Variants in KIAA1217 observed in about 807,000 individuals in gnomAD.
KIAA1217 encodes KIAA1217.
A neutral mutation model predicts 163.9 loss-of-function variants in KIAA1217; 88 were observed. The ratio of observed to expected loss-of-function variants is 0.54; its 90% CI spans 0.45 to 0.64. The LOEUF (loss-of-function observed/expected upper bound fraction) is 0.64. KIAA1217 is among the 30% of genes least tolerant of loss of function. The pLI is 0.00. For synonymous variants in KIAA1217, 903 were observed against 923.1 expected (o/e 0.98, Z 0.39); for missense variants, 2,372 against 2,475.0 (o/e 0.96, Z 0.88).
chr10:24,240,188 A>G (rs1304152088), intron 2 of KIAA1217, among the ~76,000 whole-genome samples: 1 of 152,122 alleles, frequency 6.6e-6, no homozygotes, highest in African/African-American at 2.4e-5. Flanking sequence ...AGTTAGCTGA[A>G]AGGGGTTAGT....
intron 2 of KIAA1217, among the ~76,000 whole-genome samples, chr10:24,343,500 A>T (rs1397894461): frequency 1.1e-4 from 17 of 152,220 alleles, no homozygotes; most frequent in Admixed American, 8.5e-4. Context: ...TTCATAAATT[A>T]AGGAATTAAC....
chr10:23,917,724 G>A (rs780089953), intron 1 of KIAA1217, among the ~76,000 whole-genome samples: 4 of 152,168 alleles, frequency 2.6e-5, no homozygotes, highest in Non-Finnish European at 4.4e-5. Flanking sequence ...GACAGCTGTC[G>A]CTGACAAATG....
intron 2 of KIAA1217, among the ~76,000 whole-genome samples, chr10:24,194,249 C>A (rs989041618): frequency 1.3e-5 from 2 of 150,300 alleles, no homozygotes; most frequent in Non-Finnish European, 3.0e-5. Flanking sequence ...ACCTATGAAA[C>A]CTTTCCCACC....
intron 1 of KIAA1217, among the ~76,000 whole-genome samples, chr10:23,880,864 C>T (rs1417657604): frequency 6.6e-6 from 1 of 152,014 alleles, no homozygotes; most frequent in Non-Finnish European, 1.5e-5. Context: ...AGACCAGCAG[C>T]TGTATGTGTG....
chr10:23,888,910 C>T (rs746246213), intron 1 of KIAA1217, among the ~76,000 whole-genome samples: 20 of 151,818 alleles, frequency 1.3e-4, no homozygotes, highest in Admixed American at 1.3e-4. Context: ...GATTAGTTTT[C>T]CCTCTTTTAG....
At chr10:24,113,802 T>A (rs1041267644) in intron 2 of KIAA1217, among the ~76,000 whole-genome samples, 7 of 152,198 alleles carry the variant, frequency 4.6e-5, no homozygotes, top group African/African-American at 1.2e-4. Context: ...ATTGCTTCGC[T>A]CTCTTCAGAA....
chr10:24,140,158 T>G (rs1357022733), intron 2 of KIAA1217, among the ~76,000 whole-genome samples: 1 of 151,792 alleles, frequency 6.6e-6, no homozygotes, highest in East Asian at 1.9e-4. Flanking sequence ...AGGAGATGGA[T>G]ACCATCCTGG....
At chr10:23,763,152 A>G (rs772679232) in intron 1 of KIAA1217, among the ~76,000 whole-genome samples, 3 of 152,230 alleles carry the variant, frequency 2.0e-5, no homozygotes, top group Non-Finnish European at 4.4e-5. Flanking sequence ...CCTCATGGAT[A>G]GGAAGAATCA....
At chr10:23,767,330 T>G (rs1268692130) in intron 1 of KIAA1217, among the ~76,000 whole-genome samples, 1 of 152,122 alleles carries the variant, frequency 6.6e-6, no homozygotes. Flanking sequence ...GATATCAATG[T>G]GGAGAAAGAA....
At chr10:23,806,019 A>G (rs1483821329) in intron 1 of KIAA1217, among the ~76,000 whole-genome samples, 1 of 150,496 alleles carries the variant, frequency 6.6e-6, no homozygotes, top group East Asian at 1.9e-4. Context: ...AAAAAAAAAA[A>G]AAAAAGAAAA....
At chr10:24,230,205 A>G (rs1358088642) in intron 2 of KIAA1217, among the ~76,000 whole-genome samples, 1 of 152,186 alleles carries the variant, frequency 6.6e-6, no homozygotes, top group Non-Finnish European at 1.5e-5. Flanking sequence ...CTTTACATGT[A>G]TTACAGGTTG....
intron 2 of KIAA1217, among the ~76,000 whole-genome samples, chr10:24,319,367 C>T (rs1021099334): frequency 8.7e-5 from 9 of 103,026 alleles, no homozygotes; most frequent in African/African-American, 3.6e-4. Flanking sequence ...CAGAGCGAGA[C>T]GTTGTCTCAA....
chr10:23,726,723 T>C (rs1838162674), intron 1 of KIAA1217, among the ~76,000 whole-genome samples: 2 of 151,944 alleles, frequency 1.3e-5, no homozygotes, highest in Non-Finnish European at 2.9e-5. Flanking sequence ...AACAACCCCA[T>C]CAACAAGTGG....
At chr10:24,182,610 A>G (rs76261320) in intron 2 of KIAA1217, among the ~76,000 whole-genome samples, 2,564 of 152,250 alleles carry the variant, frequency 0.017, 24 homozygotes, top group Middle Eastern at 0.058. Flanking sequence ...GGGGTAAGCT[A>G]AGGGTAGGGG....
At chr10:24,329,228 A>C (rs549190889) in intron 2 of KIAA1217, among the ~76,000 whole-genome samples, 1 of 148,216 alleles carries the variant, frequency 6.7e-6, no homozygotes, top group Non-Finnish European at 1.5e-5. Context: ...TAAATAGTAT[A>C]AATATATGCT....
chr10:24,286,456 A>G (rs1294497390), intron 2 of KIAA1217, among the ~76,000 whole-genome samples: 1 of 144,772 alleles, frequency 6.9e-6, no homozygotes, highest in Non-Finnish European at 1.5e-5. Context: ...ATATATATAT[A>G]CACACACACA....
chr10:24,512,147 A>G (rs977191415), intron 9 of KIAA1217, among the ~76,000 whole-genome samples: 1 of 152,174 alleles, frequency 6.6e-6, no homozygotes, highest in Non-Finnish European at 1.5e-5. Flanking sequence ...CTTTATTCAG[A>G]GAAAACAGAA....
intron 3 of KIAA1217, among the ~76,000 whole-genome samples, chr10:24,410,394 T>C (rs1018628066): frequency 5.3e-5 from 8 of 152,228 alleles, no homozygotes; most frequent in African/African-American, 1.4e-4. Context: ...AACAGAGAGA[T>C]ACCTTGCCCA....
chr10:23,938,115 G>C (rs1289506503), intron 1 of KIAA1217, among the ~76,000 whole-genome samples: 1 of 152,164 alleles, frequency 6.6e-6, no homozygotes, highest in African/African-American at 2.4e-5. Context: ...TATATGTTGG[G>C]AAACTTCTTA....
Sources: allele counts gnomAD v4.1 joint callset (sites outside exome capture counted in the v4.1 genomes callset), GRCh38; gene constraint gnomAD v4.1.1; transcripts MANE v1.5; gene names NCBI Gene and HGNC (gene_info 2026-07-23, HGNC 2026-07-21).